MMP24: variants seen among roughly 807,000 people sequenced by gnomAD.
MMP24 encodes matrix metallopeptidase 24, also known as matrix metalloproteinase-24.
Under a neutral mutation model 62.8 loss-of-function variants are expected in MMP24, and 25 were observed. That is an observed-to-expected ratio of 0.40 (90% CI 0.29 to 0.56). MMP24 has a LOEUF of 0.56. MMP24 is among the 20% of genes least tolerant of loss of function. The pLI, the probability that MMP24 is intolerant of heterozygous loss-of-function variation, is 0.50. For missense variants in MMP24, 634 were observed against 853.6 expected, an observed-to-expected ratio of 0.74 and a Z score of 3.21; for synonymous variants, 319 against 350.5, an observed-to-expected ratio of 0.91 and a Z score of 1.00.
intron 7 of MMP24, among the ~76,000 whole-genome samples, chr20:35,270,404 G>A (rs1600806760): frequency 2.6e-5 from 4 of 152,388 alleles, no homozygotes; most frequent in South Asian, 2.1e-4. Flanking sequence ...GGATGTGTAC[G>A]GACGGCCACA....
At chr20:35,246,762 G>A in intron 1 of MMP24, 78 bp from the exon 2 acceptor site, 1 of 1,539,578 alleles carries the variant, frequency 6.5e-7, no homozygotes, top group Non-Finnish European at 9.0e-7. Context: ...GATCCCTCGT[G>A]TTCAAGGCAC....
Position 35,254,489 on chromosome 20 carries a change from G to A in MMP24, c.552G>A (p.Thr184=), listed in dbSNP as rs768903295. The A allele has an allele frequency of 5.5e-5, 89 of 1,613,898 alleles. No individual in the cohort carries two copies. Among genetic ancestry groups the A allele is most frequent in the East Asian group, 1.8e-4 (8 of 44,900 alleles). ...NYTPKVGELD[T]RKAIRQAFDV... is the part of the protein sequence containing the mutation. ...CCCCAAAAGTGGGTGAGCTAGACACGCGGAAAGCTATTCGCCAGGCTTTCG... is the reference window on the plus strand; with the variant it reads ...CCCCAAAAGTGGGTGAGCTAGACACACGGAAAGCTATTCGCCAGGCTTTCG... The change falls in exon 4 of 9, where the codon ACG becomes ACA. Residue 184 remains threonine (T), a synonymous_variant. Transcript: ENST00000246186.
chr20:35,244,994 C>T (rs1012727161), intron 1 of MMP24, among the ~76,000 whole-genome samples: 7 of 151,846 alleles, frequency 4.6e-5, no homozygotes, highest in Non-Finnish European at 7.4e-5. Context: ...GAAACATTTT[C>T]GAGAATAGGA....
At chr20:35,272,576 A>G (rs2060677035) in intron 8 of MMP24, among the ~76,000 whole-genome samples, 2 of 152,194 alleles carry the variant, frequency 1.3e-5, no homozygotes, top group Non-Finnish European at 2.9e-5. Context: ...CCTAGAAGCC[A>G]TGCTGGCCAC....
Position 35,269,461 on chromosome 20 carries a change from T to C in MMP24, c.1195-299T>C, listed in dbSNP as rs754322621. The stretch of plus-strand genomic sequence containing the variant: ...TGTCAGTGACGCTCCACTGCCCCCA[T>C]GTGGCCACTCCAGGCCCCAACATCA... On this transcript the variant is annotated intron_variant, in intron 6 of 8. Coordinates refer to ENST00000246186, the MANE Select transcript of MMP24 (RefSeq NM_006690.4). This position sits in a 1 kb window ranked among gnomAD's most constrained non-coding sequence, Gnocchi z 4.6. Among the ~76,000 whole-genome samples, 1 of 152,186 alleles carries C rather than the reference T, an allele frequency of 6.6e-6. No individual in the cohort carries two copies. Among genetic ancestry groups the C allele is most frequent in the Non-Finnish European group, 1.5e-5 (1 of 68,024 alleles).
chr20:35,239,308 A>G (rs904930477), intron 1 of MMP24, among the ~76,000 whole-genome samples: 9 of 151,956 alleles, frequency 5.9e-5, no homozygotes, highest in African/African-American at 2.2e-4. Context: ...AAGTGCTGAG[A>G]TTACAGGCAT....
At chr20:35,264,074 CTG>C (rs1156388898) in intron 5 of MMP24, 122 bp downstream of exon 5, 6 of 1,121,028 alleles carry the variant, frequency 5.4e-6, no homozygotes, top group South Asian at 1.8e-5. Flanking sequence ...TGCTGTTTCT[CTG>C]TGTGTGACCT....
At chr20:35,256,755 G>A (rs1164866095) in intron 4 of MMP24, among the ~76,000 whole-genome samples, 3 of 148,110 alleles carry the variant, frequency 2.0e-5, no homozygotes, top group Non-Finnish European at 4.5e-5. Flanking sequence ...GCAGATTCCA[G>A]GACCCTAACC....
intron 1 of MMP24, among the ~76,000 whole-genome samples, chr20:35,233,293 C>T (rs547132162): frequency 8.6e-4 from 131 of 152,206 alleles, no homozygotes; most frequent in Middle Eastern, 3.4e-3. Context: ...CCTGTAGTTC[C>T]AGCTACTTGG....
In MMP24 at chr20:35,269,117, T is replaced by C. The variant is rs953158759; in HGVS notation, c.1195-643T>C. ...ACCAGCCCAAGACTGAGGCACCAGT[T>C]ACAAGAGGCGTTTTTACTGGACTCG... On this transcript the variant is annotated intron_variant, in intron 6 of 8. Coordinates refer to ENST00000246186, the MANE Select transcript of MMP24 (RefSeq NM_006690.4). The surrounding 1 kb of genome is among the most constrained non-coding windows in gnomAD (Gnocchi z 4.6). Among the ~76,000 whole-genome samples, 3 of 152,060 alleles carry C rather than the reference T, an allele frequency of 2.0e-5. No individual in the cohort carries two copies. The highest frequency in any genetic ancestry group is 7.2e-5 in the African/African-American group (3 of 41,394).
At chr20:35,254,376 C>T in intron 3 of MMP24, 74 bp from the exon 4 acceptor site, 23 of 1,378,576 alleles carry the variant, frequency 1.7e-5, no homozygotes, top group Non-Finnish European at 2.3e-5. Flanking sequence ...GCCACATTGT[C>T]TCAGGTATCT....
chr20:35,253,156 C>T (rs1184425701), intron 3 of MMP24, among the ~76,000 whole-genome samples: 1 of 152,178 alleles, frequency 6.6e-6, no homozygotes, highest in Non-Finnish European at 1.5e-5. Flanking sequence ...CTTCTCAAGG[C>T]TCTGCTGTCA....
chr20:35,261,863 C>T (rs887823872), intron 4 of MMP24, among the ~76,000 whole-genome samples: 55 of 145,788 alleles, frequency 3.8e-4, no homozygotes, highest in African/African-American at 1.3e-3. Flanking sequence ...TGCAGTGGCG[C>T]GATCTTGGCT....
At chr20:35,242,217 A>G (rs2060491726) in intron 1 of MMP24, among the ~76,000 whole-genome samples, 1 of 152,180 alleles carries the variant, frequency 6.6e-6, no homozygotes, top group Admixed American at 6.5e-5. Flanking sequence ...CTGTAATCCC[A>G]GCTACTTGGG....
intron 4 of MMP24, among the ~76,000 whole-genome samples, chr20:35,261,567 C>A (rs1002754073): frequency 2.0e-5 from 3 of 152,168 alleles, no homozygotes; most frequent in Non-Finnish European, 2.9e-5. Flanking sequence ...TCAGTTCCAC[C>A]CTCAGGATCC....
intron 1 of MMP24, among the ~76,000 whole-genome samples, chr20:35,245,453 TC>T (rs2060509568): frequency 6.6e-6 from 1 of 152,108 alleles, no homozygotes; most frequent in African/African-American, 2.4e-5. Context: ...TATGTATATT[TC>T]TTTTTTTTTT....
In MMP24 at chr20:35,269,484, T is replaced by A. The variant is rs1343369404; in HGVS notation, c.1195-276T>A. On this transcript the variant is annotated intron_variant, in intron 6 of 8. Transcript: ENST00000246186. The surrounding 1 kb of genome is among the most constrained non-coding windows in gnomAD (Gnocchi z 4.6). ...CATGTGGCCACTCCAGGCCCCAACA[T>A]CATCCTTTCCGGCTCCCTCACACCT... Among the ~76,000 whole-genome samples, 1 of 152,176 alleles carries A rather than the reference T, an allele frequency of 6.6e-6. No homozygotes were observed. The highest frequency in any genetic ancestry group is 2.4e-5 in the African/African-American group (1 of 41,452).
intron 4 of MMP24, among the ~76,000 whole-genome samples, chr20:35,259,335 C>T (rs374586404): frequency 1.3e-5 from 2 of 152,206 alleles, no homozygotes; most frequent in Non-Finnish European, 2.9e-5. Context: ...TGGTAAAATA[C>T]GGTGCTTTTG....
At chr20:35,253,570 C>G (rs1226013583) in intron 3 of MMP24, among the ~76,000 whole-genome samples, 1 of 152,016 alleles carries the variant, frequency 6.6e-6, no homozygotes, top group Non-Finnish European at 1.5e-5. Context: ...TAGAATAATC[C>G]ATGCCCCAGA....
Sources: gnomAD v4.1 joint callset for allele counts (sites outside exome capture counted in the v4.1 genomes callset) on GRCh38, gnomAD v4.1.1 for gene constraint, Gnocchi (gnomAD v3.1) non-coding constraint, MANE v1.5 for transcripts, NCBI Gene and HGNC (gene_info 2026-07-23, HGNC 2026-07-21) for gene names.